The following GARNL3 variants were observed in gnomAD, a reference collection of about 807,000 sequenced individuals.
The protein encoded by GARNL3 is GTPase activating Rap/RanGAP domain like 3.
In GARNL3, 63 loss-of-function variants were observed where a neutral mutation model predicts 125.0. The ratio of observed to expected loss-of-function variants is 0.50; its 90% CI spans 0.41 to 0.62. The LOEUF is 0.62. Ranked by LOEUF, GARNL3 falls within the 20% of genes least tolerant of loss-of-function variation. GARNL3 has a pLI of 0.00. For synonymous variants in GARNL3, 439 were observed against 457.5 expected, an observed-to-expected ratio of 0.96 and a Z score of 0.52; for missense variants, 994 against 1,244.0, an observed-to-expected ratio of 0.80 and a Z score of 3.02.
chr9:127,345,364 C>A, intron 15 of GARNL3, 39 bp from the exon 16 acceptor site: 2 of 1,302,414 alleles, frequency 1.5e-6, no homozygotes, highest in Non-Finnish European at 2.1e-6. Context: ...TGTACTTTTG[C>A]CGCCTAGTAA....
At chr9:127,254,485 A>G (rs568561280) in intron 2 of GARNL3, among the ~76,000 whole-genome samples, 1 of 152,336 alleles carries the variant, frequency 6.6e-6, no homozygotes, top group African/African-American at 2.4e-5. Flanking sequence ...AGAATATACA[A>G]ATAATATCTA....
At chr9:127,354,924 C>G (rs959999982) in intron 19 of GARNL3, among the ~76,000 whole-genome samples, 1 of 152,230 alleles carries the variant, frequency 6.6e-6, no homozygotes, top group African/African-American at 2.4e-5. Context: ...TCCTAAGTAG[C>G]TGGGATTACA....
At chr9:127,349,181 A>C in intron 17 of GARNL3, 146 bp downstream of exon 17, 1 of 663,186 alleles carries the variant, frequency 1.5e-6, no homozygotes, top group Non-Finnish European at 2.7e-6. Flanking sequence ...ATGAAATTAA[A>C]CCCTTGTTTC....
chr9:127,348,854 T>C, intron 16 of GARNL3, 70 bp from the exon 17 acceptor site: 1 of 1,037,486 alleles, frequency 9.6e-7, no homozygotes. Flanking sequence ...GTACTGTACA[T>C]TTCCATTTGG....
At chr9:127,256,635 G>A (rs2063499782) in intron 2 of GARNL3, among the ~76,000 whole-genome samples, 1 of 152,124 alleles carries the variant, frequency 6.6e-6, no homozygotes. Flanking sequence ...TTAAGTGAGT[G>A]AAAGAATTTT....
At chr9:127,338,247 A>G (rs772199888) in intron 12 of GARNL3, 86 bp downstream of exon 12, 40 of 1,053,670 alleles carry the variant, frequency 3.8e-5, no homozygotes, top group Admixed American at 2.8e-4. Context: ...CTTGATATAC[A>G]TATTTCTTGA....
chr9:127,368,231 C>A (rs951112043), intron 22 of GARNL3, among the ~76,000 whole-genome samples: 7 of 151,502 alleles, frequency 4.6e-5, no homozygotes, highest in African/African-American at 1.7e-4. Context: ...GGTAGGGAGA[C>A]CAGGGAGAAG....
In GARNL3 at chr9:127,228,460, T is replaced by C. The variant is rs139220991; in HGVS notation, c.-29+4122T>C. Among the ~76,000 whole-genome samples, 362 of 152,348 alleles carry C rather than the reference T, an allele frequency of 2.4e-3. 3 individuals are homozygous for C. Among genetic ancestry groups the C allele is most frequent in the African/African-American group, 7.9e-3 (328 of 41,590 alleles). On this transcript the variant is annotated intron_variant, in intron 1 of 10. Transcript: ENST00000439286. ...GCCTGTTTTTCCCCACTCTCAATAC[T>C]AGGCATTATCATTTATAAATATTTG... is the stretch of plus-strand genomic sequence containing the variant.
At chr9:127,305,468 G>C (rs1388789294) in intron 2 of GARNL3, among the ~76,000 whole-genome samples, 2 of 152,208 alleles carry the variant, frequency 1.3e-5, no homozygotes, top group African/African-American at 4.8e-5. Flanking sequence ...TGCTCTGTAA[G>C]ACTCACAACA....
intron 4 of GARNL3, among the ~76,000 whole-genome samples, chr9:127,313,945 T>C: frequency 6.6e-6 from 1 of 152,152 alleles, no homozygotes; most frequent in Non-Finnish European, 1.5e-5. Flanking sequence ...TGAGACCTAA[T>C]GGTCACAGAA....
intron 4 of GARNL3, among the ~76,000 whole-genome samples, chr9:127,317,397 T>C (rs185315784): frequency 9.0e-4 from 137 of 152,342 alleles, no homozygotes; most frequent in African/African-American, 3.2e-3. Context: ...TGTTGTCTTA[T>C]GGTCTTTGAG....
At chr9:127,375,166 A>C (rs949787674) in intron 22 of GARNL3, among the ~76,000 whole-genome samples, 1 of 152,170 alleles carries the variant, frequency 6.6e-6, no homozygotes. Flanking sequence ...TGGATGCAAA[A>C]GAAATAAAAG....
In GARNL3 at chr9:127,242,992, G is replaced by A. The variant is rs1293598844; in HGVS notation, c.-28-87G>A. On this transcript the variant is annotated intron_variant, in intron 1 of 10. Transcript: ENST00000439286. The surrounding 1 kb of genome is among the most constrained non-coding windows in gnomAD (Gnocchi z 4.6). Reference sequence around the variant, plus strand: ...CTCCTCCTTGCTTACCAGCGGGGCTGCCTTTGGGAGGAGGGTAAAGCAGGC... The same window carrying A: ...CTCCTCCTTGCTTACCAGCGGGGCTACCTTTGGGAGGAGGGTAAAGCAGGC... The A allele has an allele frequency of 2.6e-6, 3 of 1,159,918 alleles. No homozygotes were observed. The highest frequency in any genetic ancestry group is 1.6e-5 in the African/African-American group (1 of 62,050). 71.9% of individuals were successfully genotyped at this position (1,159,918 alleles called of 1,614,324 possible). A position where few individuals can be genotyped will look rare whatever the true frequency, so the allele number is the denominator to read the frequency against.
intron 26 of GARNL3, among the ~76,000 whole-genome samples, chr9:127,389,904 G>C (rs1461576742): frequency 1.6e-5 from 2 of 124,422 alleles, no homozygotes; most frequent in East Asian, 5.2e-4. Flanking sequence ...CTGGGTGACA[G>C]AGTGACACCC....
rs938346373 is a variant in GARNL3 at position 127,364,835 on chromosome 9, C to G, written c.2095-465C>G. The G allele has an allele frequency of 6.2e-6, 1 of 162,072 alleles. No individual in the cohort carries two copies. The highest frequency in any genetic ancestry group is 2.4e-5 in the African/African-American group (1 of 41,472). The allele number at this position is 162,072 out of a possible 1,614,324, so 10.0% of individuals were successfully genotyped here. On this transcript the variant is annotated intron_variant, in intron 21 of 27. Transcript: ENST00000373387. The surrounding 1 kb of genome is among the most constrained non-coding windows in gnomAD (Gnocchi z 4.2). ...ACATTAGTTCAGATGTTGGCTGTGGCGTGTACCAGTCAAGGGACTTAAGTG... is the reference window on the plus strand; with the variant it reads ...ACATTAGTTCAGATGTTGGCTGTGGGGTGTACCAGTCAAGGGACTTAAGTG...
chr9:127,378,644 G>A (rs915388317), intron 22 of GARNL3, among the ~76,000 whole-genome samples: 14 of 150,088 alleles, frequency 9.3e-5, no homozygotes, highest in African/African-American at 3.4e-4. Context: ...TATGAGAGAA[G>A]GATATGAGCA....
At chr9:127,373,966 A>G (rs1831745129) in intron 22 of GARNL3, among the ~76,000 whole-genome samples, 1 of 152,264 alleles carries the variant, frequency 6.6e-6, no homozygotes, top group African/African-American at 2.4e-5. Context: ...AGATCAGGCT[A>G]CTGCACTCCA....
upstream of GARNL3, among the ~76,000 whole-genome samples, chr9:127,261,660 C>G (rs1269803811): frequency 6.6e-6 from 1 of 152,012 alleles, no homozygotes; most frequent in African/African-American, 2.4e-5. Flanking sequence ...TGATCCGCCC[C>G]CTTCGGCCTC....
chr9:127,276,590 G>T (rs1260412283), intron 1 of GARNL3, among the ~76,000 whole-genome samples: 1 of 152,162 alleles, frequency 6.6e-6, no homozygotes, highest in Non-Finnish European at 1.5e-5. Flanking sequence ...ATGCCCACTG[G>T]CAGTCTCTCC....
Sources: allele counts gnomAD v4.1 joint callset (sites outside exome capture counted in the v4.1 genomes callset), GRCh38; gene constraint gnomAD v4.1.1; non-coding constraint Gnocchi (gnomAD v3.1); transcripts MANE v1.5; gene names NCBI Gene and HGNC (gene_info 2026-07-23, HGNC 2026-07-21).